Variants in LRRFIP1 observed in about 807,000 individuals in gnomAD.
LRRFIP1 encodes LRR binding FLII interacting protein 1, also known as leucine-rich repeat flightless-interacting protein 1.
In LRRFIP1, 62 loss-of-function variants were observed where a neutral mutation model predicts 104.4. That is an observed-to-expected ratio of 0.59 (90% CI 0.48 to 0.73). The LOEUF is 0.73. Among genes scored for constraint, LRRFIP1 ranks in the 30% least tolerant of loss-of-function variants. The pLI is 0.00. For missense variants in LRRFIP1, 796 were observed against 824.5 expected, an observed-to-expected ratio of 0.97 and a Z score of 0.42; for synonymous variants, 300 against 299.0, an observed-to-expected ratio of 1.00 and a Z score of -0.03.
chr2:237,743,959 G>A (rs13383118), intron 11 of LRRFIP1, among the ~76,000 whole-genome samples: 3,500 of 152,214 alleles, frequency 0.023, 147 homozygotes, highest in African/African-American at 0.079. Context: ...GGGCAGCCTG[G>A]GTCCATATCT....
chr2:237,642,375 G>A (rs2084120895), intron 1 of LRRFIP1, among the ~76,000 whole-genome samples: 3 of 152,188 alleles, frequency 2.0e-5, no homozygotes, highest in Admixed American at 6.5e-5. Context: ...CCAGGTTCTA[G>A]GCTGAGGGTT....
At chr2:237,689,266 G>A (rs1396660907) in intron 1 of LRRFIP1, among the ~76,000 whole-genome samples, 2 of 152,112 alleles carry the variant, frequency 1.3e-5, no homozygotes, top group Non-Finnish European at 2.9e-5. Flanking sequence ...CTGGGGCTCT[G>A]GGATCTAAAA....
In LRRFIP1 at chr2:237,749,324, G is replaced by A. The variant is rs2058280897; in HGVS notation, c.795G>A (p.Lys265=). 6.2e-7 allele frequency: 1 copy of A among 1,613,272 alleles called. No homozygotes were observed. Among genetic ancestry groups the A allele is most frequent in the Non-Finnish European group, 8.5e-7 (1 of 1,179,916 alleles). ...CCGAGGCATCCATCAGGGAAATCAA[G>A]GTGAGATGCTCTCTTCTTACTGACA... ...IDTEASIREI[K]ELNELKDQIQ... Residue 265 remains lysine (K), a splice_region_variant and synonymous_variant, in exon 13 of 24, where the codon AAG becomes AAA. Coordinates refer to ENST00000308482, the MANE Select transcript of LRRFIP1 (RefSeq NM_001137550.2).
intron 20 of LRRFIP1, chr2:237,770,338 G>C: frequency 4.4e-6 from 1 of 228,150 alleles, no homozygotes; most frequent in South Asian, 7.1e-5. Flanking sequence ...GAGCATTACT[G>C]AGTCATTCCA....
intron 1 of LRRFIP1, among the ~76,000 whole-genome samples, chr2:237,666,991 T>C (rs1272065474): frequency 6.6e-6 from 1 of 151,748 alleles, no homozygotes; most frequent in Non-Finnish European, 1.5e-5. Context: ...TCACAAAGCA[T>C]TTTCACAGAT....
intron 1 of LRRFIP1, among the ~76,000 whole-genome samples, chr2:237,634,267 T>C (rs891910686): frequency 6.6e-6 from 1 of 152,254 alleles, no homozygotes; most frequent in African/African-American, 2.4e-5. Context: ...CAATTGCAGA[T>C]GCTGTCAGCT....
At chr2:237,772,053 A>G (rs971843617) in intron 20 of LRRFIP1, 28 bp from the exon 21 acceptor site, 24 of 1,516,078 alleles carry the variant, frequency 1.6e-5, no homozygotes, top group Non-Finnish European at 2.2e-5. Context: ...TAGAGAAATT[A>G]ACAGATTTTA....
chr2:237,741,500 G>A lies in LRRFIP1; in HGVS notation c.633+2191G>A, dbSNP rs150938274. Among the ~76,000 whole-genome samples, 127 of 152,272 alleles carry A rather than the reference G, an allele frequency of 8.3e-4. 1 individual carries two copies. The Middle Eastern group carries it at 0.017, about 20-fold the overall frequency. ...TCCGTAATAAATTTAGTGTAGGATT[G>A]CTTTGTCTTCTCACACTCACTTTTC... On this transcript the variant is annotated intron_variant, in intron 11 of 23. Transcript: ENST00000308482.
chr2:237,715,521 A>G (rs1031303895), intron 3 of LRRFIP1, among the ~76,000 whole-genome samples: 3 of 152,314 alleles, frequency 2.0e-5, no homozygotes, highest in African/African-American at 7.2e-5. Flanking sequence ...CATTGTGAGA[A>G]CTTTGTCAGA....
rs1427205360 is a variant in LRRFIP1 at position 237,781,111 on chromosome 2, A to AG, written c.*1582dup. Among the ~76,000 whole-genome samples, 4 of 152,158 alleles carry AG rather than the reference A, an allele frequency of 2.6e-5. No homozygotes were observed. Among genetic ancestry groups the AG allele is most frequent in the Admixed American group, 6.5e-5 (1 of 15,284 alleles). ...TGACCATGCTGGGCCCACCGGCAAA[A>AG]GGGAGATATTCAGTTCCTTGTCTCA... On this transcript the variant is annotated 3_prime_UTR_variant, in exon 24 of 24. Coordinates refer to ENST00000308482, the MANE Select transcript of LRRFIP1 (RefSeq NM_001137550.2).
At chr2:237,631,318 G>A (rs1338336929) in intron 1 of LRRFIP1, among the ~76,000 whole-genome samples, 1 of 152,212 alleles carries the variant, frequency 6.6e-6, no homozygotes, top group Non-Finnish European at 1.5e-5. Context: ...GTGCAGGCAG[G>A]GCTTTGCACT....
At chr2:237,701,021 G>A (rs575507826) in intron 1 of LRRFIP1, among the ~76,000 whole-genome samples, 97 of 152,326 alleles carry the variant, frequency 6.4e-4, no homozygotes, top group African/African-American at 2.1e-3. Context: ...TCCTGTGACT[G>A]TAGGGTGAGA....
chr2:237,767,377 C>T (rs900920860), intron 19 of LRRFIP1, among the ~76,000 whole-genome samples: 1 of 152,260 alleles, frequency 6.6e-6, no homozygotes, highest in East Asian at 1.9e-4. Context: ...TAGAGAAAAA[C>T]ATTGGTTACT....
chr2:237,640,490 A>C (rs2083774862), intron 1 of LRRFIP1, among the ~76,000 whole-genome samples: 1 of 152,038 alleles, frequency 6.6e-6, no homozygotes, highest in Admixed American at 6.6e-5. Flanking sequence ...AAGACCCTCA[A>C]CTTTAGTCTC....
At chr2:237,776,859 A>C (rs533857019) in intron 23 of LRRFIP1, among the ~76,000 whole-genome samples, 19 of 152,044 alleles carry the variant, frequency 1.2e-4, no homozygotes, top group Admixed American at 3.3e-4. Context: ...GAATCTGTGG[A>C]TCTTAATAGA....
At chr2:237,692,446 G>T in intron 1 of LRRFIP1, 1 of 1,518,240 alleles carries the variant, frequency 6.6e-7, no homozygotes, top group Non-Finnish European at 8.8e-7. Context: ...AGCGGGCCGA[G>T]CCCGGCAGGA....
In LRRFIP1 at chr2:237,661,460, C is replaced by T. The variant is rs1334128099; in HGVS notation, c.96+33720C>T. 6.6e-6 allele frequency among the ~76,000 whole-genome samples: 1 copy of T among 152,206 alleles called. No homozygotes were observed. Among genetic ancestry groups the T allele is most frequent in the African/African-American group, 2.4e-5 (1 of 41,466 alleles). ...AAAGCCCTCCAGCTGGCCGGGCTGC[C>T]CTCCCCAGACTCCCTCCTTCCTTCC... On this transcript the variant is annotated intron_variant, in intron 1 of 23. Transcript: ENST00000308482. The surrounding 1 kb of genome is among the most constrained non-coding windows in gnomAD (Gnocchi z 4.4).
chr2:237,639,001 CT>C (rs1019847563), intron 1 of LRRFIP1, among the ~76,000 whole-genome samples: 1 of 152,066 alleles, frequency 6.6e-6, no homozygotes, highest in Non-Finnish European at 1.5e-5. Flanking sequence ...GCCCAGTCTT[CT>C]TTTTTTTATC....
chr2:237,722,849 C>G (rs2094581457), intron 6 of LRRFIP1, among the ~76,000 whole-genome samples: 2 of 152,184 alleles, frequency 1.3e-5, no homozygotes, highest in Admixed American at 1.3e-4. Flanking sequence ...CCTCCGTGCG[C>G]TGGGTTCCCT....
Sources: gnomAD v4.1 joint callset for allele counts (sites outside exome capture counted in the v4.1 genomes callset) on GRCh38, gnomAD v4.1.1 for gene constraint, Gnocchi (gnomAD v3.1) non-coding constraint, MANE v1.5 for transcripts, NCBI Gene and HGNC (gene_info 2026-07-23, HGNC 2026-07-21) for gene names.